The following TBXAS1 variants were observed in gnomAD, a reference collection of about 807,000 sequenced individuals.
TBXAS1 encodes thromboxane A synthase 1.
In TBXAS1, 48 loss-of-function variants were observed where a neutral mutation model predicts 60.7. That is an observed-to-expected ratio of 0.79 (90% CI 0.63 to 1.01). The LOEUF (loss-of-function observed/expected upper bound fraction) is 1.01. TBXAS1 is among the 50% of genes least tolerant of loss of function. The pLI is 0.00. For missense variants in TBXAS1, 685 were observed against 686.3 expected (o/e 1.00, Z 0.02); for synonymous variants, 287 against 269.7 (o/e 1.06, Z -0.63).
At chr7:139,791,325 A>T (rs1797374612) in intron 4 of TBXAS1, among the ~76,000 whole-genome samples, 1 of 152,198 alleles carries the variant, frequency 6.6e-6, no homozygotes, top group Non-Finnish European at 1.5e-5. Context: ...GGCGTCCCCT[A>T]CCTGTGAGTG....
intron 4 of TBXAS1, among the ~76,000 whole-genome samples, chr7:139,788,821 T>A (rs1365654910): frequency 6.6e-6 from 1 of 152,214 alleles, no homozygotes; most frequent in Non-Finnish European, 1.5e-5. Context: ...TAATACAAAA[T>A]ATGTTTAGAC....
intron 1 of TBXAS1, among the ~76,000 whole-genome samples, chr7:139,849,361 C>A (rs562993206): frequency 2.4e-4 from 37 of 151,130 alleles, no homozygotes; most frequent in African/African-American, 9.0e-4. Context: ...ACAGCAAAGA[C>A]CCTGTTCCCC....
At chr7:140,017,461 T>A (rs1161069846) in intron 11 of TBXAS1, among the ~76,000 whole-genome samples, 1 of 152,146 alleles carries the variant, frequency 6.6e-6, no homozygotes, top group Admixed American at 6.5e-5. Context: ...TCCAGGTGAT[T>A]CTGCGAATTC....
chr7:140,019,345 C>T lies in TBXAS1; in HGVS notation c.1528-680C>T, dbSNP rs1009703468. The stretch of plus-strand genomic sequence containing the variant: ...CACTGCATCGGGGCTTCCACGTGTG[C>T]GGGGCTTGTCTCACTTCCCCACGAT... On this transcript the variant is annotated intron_variant, in intron 12 of 12. Coordinates refer to ENST00000448866, the MANE Select transcript of TBXAS1 (RefSeq NM_001061.7). Among the ~76,000 whole-genome samples, 5 of 152,292 alleles carry T rather than the reference C, an allele frequency of 3.3e-5. No individual in the cohort carries two copies. In the South Asian group the frequency reaches 6.2e-4, roughly 19 times the overall value.
chr7:139,804,615 G>T (rs1797798605), intron 4 of TBXAS1, among the ~76,000 whole-genome samples: 1 of 152,184 alleles, frequency 6.6e-6, no homozygotes, highest in Non-Finnish European at 1.5e-5. Flanking sequence ...GCTCCTGTGT[G>T]TCATGGGAGG....
chr7:139,996,439 G>A (rs574996751), intron 9 of TBXAS1, among the ~76,000 whole-genome samples: 10 of 152,132 alleles, frequency 6.6e-5, no homozygotes, highest in South Asian at 2.1e-4. Flanking sequence ...ACTCATCCCC[G>A]TCTGTGCGAT....
In TBXAS1 at chr7:139,891,511, C is replaced by T. The variant is rs1803616825; in HGVS notation, c.236+15874C>T. Among the ~76,000 whole-genome samples, 5 of 152,240 alleles carry T rather than the reference C, an allele frequency of 3.3e-5. No homozygotes were observed. In the South Asian group the frequency reaches 8.3e-4, roughly 25 times the overall value. On this transcript the variant is annotated intron_variant, in intron 3 of 12. Transcript: ENST00000448866. ...AGTTGCACAGGTTCTTTTTATTAAT[C>T]CAAAGCTCTTTCCATTCCACTGCCT...
intron 3 of TBXAS1, among the ~76,000 whole-genome samples, chr7:139,894,114 A>T (rs1156523356): frequency 6.6e-6 from 1 of 152,190 alleles, no homozygotes; most frequent in African/African-American, 2.4e-5. Flanking sequence ...TGAGAGGTAG[A>T]GCACAGCTTG....
chr7:139,961,464 ACCT>A (rs1323884915), intron 8 of TBXAS1, among the ~76,000 whole-genome samples: 3 of 152,150 alleles, frequency 2.0e-5, no homozygotes, highest in African/African-American at 7.2e-5. Flanking sequence ...TGGTTTTCCC[ACCT>A]CCTCCAGCTC....
chr7:140,006,799 G>A (rs953901765), intron 9 of TBXAS1, among the ~76,000 whole-genome samples: 3 of 152,138 alleles, frequency 2.0e-5, no homozygotes, highest in Admixed American at 6.5e-5. Flanking sequence ...CGGCCACATC[G>A]TCAGCTCCCA....
At chr7:139,803,985 C>T (rs1242254876) in intron 4 of TBXAS1, among the ~76,000 whole-genome samples, 1 of 152,214 alleles carries the variant, frequency 6.6e-6, no homozygotes, top group Non-Finnish European at 1.5e-5. Context: ...CACATGGAGT[C>T]CCCTCTAGGG....
intron 4 of TBXAS1, among the ~76,000 whole-genome samples, chr7:139,801,324 G>A (rs1797717869): frequency 2.0e-5 from 3 of 152,162 alleles, no homozygotes; most frequent in African/African-American, 4.8e-5. Flanking sequence ...ACAAATGCAG[G>A]TCTTGCTTCA....
intron 7 of TBXAS1, among the ~76,000 whole-genome samples, chr7:139,956,511 TA>T (rs1315100705): frequency 2.6e-5 from 4 of 152,232 alleles, no homozygotes; most frequent in African/African-American, 9.6e-5. Context: ...TTCTTGCTTT[TA>T]TAGGAGCATT....
In TBXAS1 at chr7:139,932,413, G is replaced by A. The variant is rs571744263; in HGVS notation, c.334-3778G>A. 3.9e-5 allele frequency among the ~76,000 whole-genome samples: 6 copies of A among 152,126 alleles called. No individual in the cohort carries two copies. The South Asian group carries it at 8.3e-4, about 21-fold the overall frequency. On this transcript the variant is annotated intron_variant, in intron 4 of 12. Coordinates refer to ENST00000448866, the MANE Select transcript of TBXAS1 (RefSeq NM_001061.7). Reference sequence around the variant, plus strand: ...AGTCTCCAGGGGTGTGGAGCTCATCGCTCAAGGCAGGTTATCTTATCTGAA... The same window carrying A: ...AGTCTCCAGGGGTGTGGAGCTCATCACTCAAGGCAGGTTATCTTATCTGAA...
chr7:139,844,077 C>T (rs529705552), intron 1 of TBXAS1, among the ~76,000 whole-genome samples: 4 of 152,250 alleles, frequency 2.6e-5, no homozygotes, highest in South Asian at 4.1e-4. Flanking sequence ...AGAGGAATTG[C>T]CCCATTTGAA....
intron 4 of TBXAS1, chr7:139,797,607 C>T (rs1797606459): frequency 6.6e-6 from 1 of 152,336 alleles, no homozygotes; most frequent in Admixed American, 6.5e-5. Context: ...ATTCTGCCAA[C>T]ATTTCCTATC....
At chr7:139,957,508 G>A (rs552625958) in intron 7 of TBXAS1, 126 bp from the exon 8 acceptor site, 90 of 1,217,482 alleles carry the variant, frequency 7.4e-5, no homozygotes, top group Non-Finnish European at 1.0e-4. Flanking sequence ...GCAGTGCGGC[G>A]GGGAGGGCAG....
At chr7:139,858,444 G>C (rs539871348) in intron 1 of TBXAS1, among the ~76,000 whole-genome samples, 1 of 152,194 alleles carries the variant, frequency 6.6e-6, no homozygotes, top group African/African-American at 2.4e-5. Flanking sequence ...AAAATAGAAA[G>C]CATGTATTTA....
chr7:139,985,352 T>C (rs8192850), intron 9 of TBXAS1, among the ~76,000 whole-genome samples: 2 of 152,190 alleles, frequency 1.3e-5, no homozygotes, highest in East Asian at 3.9e-4. Context: ...GAGGGTGACA[T>C]GCCTTGAATG....
Sources: gnomAD v4.1 joint callset for allele counts (sites outside exome capture counted in the v4.1 genomes callset) on GRCh38, gnomAD v4.1.1 for gene constraint, MANE v1.5 for transcripts, NCBI Gene and HGNC (gene_info 2026-07-23, HGNC 2026-07-21) for gene names.